CDH12: variants seen among roughly 807,000 people sequenced by gnomAD.
CDH12 encodes the protein cadherin 12, also known as cadherin-12.
A neutral mutation model predicts 74.1 loss-of-function variants in CDH12; 41 were observed. The observed-to-expected ratio is 0.55, with a 90% CI of 0.43 to 0.72. CDH12 has a LOEUF of 0.72. Ranked by LOEUF, CDH12 falls within the 30% of genes least tolerant of loss-of-function variation. The pLI is 0.00. For synonymous variants in CDH12, 399 were observed against 355.0 expected (o/e 1.12, Z -1.39); for missense variants, 945 against 977.2 (o/e 0.97, Z 0.44).
chr5:22,167,961 T>G (rs1748782952), intron 4 of CDH12, among the ~76,000 whole-genome samples: 1 of 152,142 alleles, frequency 6.6e-6, no homozygotes, highest in African/African-American at 2.4e-5. Flanking sequence ...ACATTTTCCA[T>G]TGTTTTTATA....
intron 12 of CDH12, among the ~76,000 whole-genome samples, chr5:21,762,279 G>A (rs1744768523): frequency 6.6e-6 from 1 of 152,010 alleles, no homozygotes; most frequent in African/African-American, 2.4e-5. Context: ...GTGTTGCTTG[G>A]AAGTCCCTGC....
At chr5:22,014,793 C>A (rs750887771) in intron 5 of CDH12, among the ~76,000 whole-genome samples, 1 of 152,134 alleles carries the variant, frequency 6.6e-6, no homozygotes, top group Non-Finnish European at 1.5e-5. Context: ...GTGATTATAT[C>A]ATGACTGCTT....
chr5:22,430,186 T>TG (rs1744109013), intron 2 of CDH12, among the ~76,000 whole-genome samples: 1 of 152,200 alleles, frequency 6.6e-6, no homozygotes, highest in Non-Finnish European at 1.5e-5. Context: ...ACTGACTTAG[T>TG]GTACTCTTTG....
rs139674161 is a variant in CDH12 at position 22,763,849 on chromosome 5, T to C, written c.-523+89209A>G. Among the ~76,000 whole-genome samples the C allele has an allele frequency of 2.9e-3, 438 of 151,984 alleles. 2 individuals are homozygous for C. Among genetic ancestry groups the C allele is most frequent in the African/African-American group, 9.9e-3 (411 of 41,548 alleles). ...TAAATTTTACTTATACAATCTAATA[T>C]ATAAAAAGAAAAAATGGTGTTTGTG... On this transcript the variant is annotated intron_variant, in intron 1 of 14. Coordinates refer to ENST00000382254, the MANE Select transcript of CDH12 (RefSeq NM_004061.5).
chr5:22,704,336 G>A (rs1394426625), intron 1 of CDH12, among the ~76,000 whole-genome samples: 3 of 152,110 alleles, frequency 2.0e-5, no homozygotes, highest in Admixed American at 2.0e-4. Context: ...CCTTAAAATA[G>A]TCCTGTTTTC....
intron 10 of CDH12, among the ~76,000 whole-genome samples, chr5:21,796,551 T>G (rs1162056106): frequency 6.6e-6 from 1 of 152,130 alleles, no homozygotes; most frequent in East Asian, 1.9e-4. Flanking sequence ...TGAGTTTATA[T>G]ATGCAAGTCT....
At chr5:22,675,614 G>A (rs1045540682) in intron 1 of CDH12, among the ~76,000 whole-genome samples, 1 of 151,928 alleles carries the variant, frequency 6.6e-6, no homozygotes, top group Non-Finnish European at 1.5e-5. Flanking sequence ...GTTTTTAAAT[G>A]TGAGAACATG....
intron 6 of CDH12, among the ~76,000 whole-genome samples, chr5:21,922,574 G>A (rs1754401406): frequency 6.6e-6 from 1 of 152,090 alleles, no homozygotes; most frequent in South Asian, 2.1e-4. Context: ...TCAGGTAAAG[G>A]TAGATGATAC....
intron 2 of CDH12, among the ~76,000 whole-genome samples, chr5:22,468,468 A>G (rs1003914937): frequency 6.6e-6 from 1 of 152,196 alleles, no homozygotes; most frequent in Non-Finnish European, 1.5e-5. Context: ...TCACTCCTTA[A>G]ATACAATATT....
chr5:22,212,275 C>CT (rs1751588154), intron 4 of CDH12: 1 of 152,298 alleles, frequency 6.6e-6, no homozygotes, highest in African/African-American at 2.4e-5. Flanking sequence ...TTCATGTTCC[C>CT]TTTTATTTTC....
intron 5 of CDH12, among the ~76,000 whole-genome samples, chr5:22,026,376 A>AT (rs1201326903): frequency 6.6e-6 from 1 of 152,150 alleles, no homozygotes; most frequent in African/African-American, 2.4e-5. Context: ...AACTGGTTAA[A>AT]TCCAAGACAG....
intron 1 of CDH12, among the ~76,000 whole-genome samples, chr5:22,645,459 C>T (rs559718634): frequency 9.2e-5 from 14 of 152,074 alleles, no homozygotes; most frequent in African/African-American, 3.4e-4. Context: ...TAAAGAGTTG[C>T]TTTTTATGGA....
intron 3 of CDH12, among the ~76,000 whole-genome samples, chr5:22,243,914 G>A (rs1752829821): frequency 6.6e-6 from 1 of 152,130 alleles, no homozygotes; most frequent in East Asian, 1.9e-4. Flanking sequence ...CATGTGAGCA[G>A]CAAAACCTAT....
chr5:22,632,409 T>A (rs1362150466), intron 1 of CDH12, among the ~76,000 whole-genome samples: 1 of 152,094 alleles, frequency 6.6e-6, no homozygotes, highest in East Asian at 1.9e-4. Context: ...TGTTTAAACT[T>A]TTTAAAAAAT....
At chr5:22,198,572 T>C (rs955127765) in intron 4 of CDH12, among the ~76,000 whole-genome samples, 1 of 152,104 alleles carries the variant, frequency 6.6e-6, no homozygotes, top group African/African-American at 2.4e-5. Flanking sequence ...TAAGTAGTTA[T>C]GCTGTTGTCA....
At chr5:22,580,498 A>G (rs1364970731) in intron 1 of CDH12, 7 of 483,242 alleles carry the variant, frequency 1.4e-5, no homozygotes, top group Non-Finnish European at 3.0e-5. Context: ...TGGCTTGTAG[A>G]GAGTGAGCCG....
chr5:21,942,400 G>A (rs1304485651), intron 6 of CDH12, among the ~76,000 whole-genome samples: 9 of 148,042 alleles, frequency 6.1e-5, no homozygotes, highest in African/African-American at 2.1e-4. Context: ...ATATATATGT[G>A]TGGGTGTGTA....
At chr5:21,854,819 A>G in intron 6 of CDH12, 29 bp from the exon 7 acceptor site, 1 of 1,593,874 alleles carries the variant, frequency 6.3e-7, no homozygotes, top group Non-Finnish European at 8.5e-7. Flanking sequence ...TCACTCTAGC[A>G]TTTTTGTTTT....
rs377064521 is a variant in CDH12 at position 21,874,378 on chromosome 5, C to A, written c.527-19588G>T. On this transcript the variant is annotated intron_variant, in intron 6 of 14. Coordinates refer to ENST00000382254, the MANE Select transcript of CDH12 (RefSeq NM_004061.5). ...TTACTAAGCCTAGCTGGGAAGGTGA[C>A]CGCATCCACCTTTAAACACGGGGCT... Among the ~76,000 whole-genome samples the A allele has an allele frequency of 5.9e-5, 9 of 152,184 alleles. No individual in the cohort carries two copies. The East Asian group carries it at 1.5e-3, about 26-fold the overall frequency.
Sources: gnomAD v4.1 joint callset for allele counts (sites outside exome capture counted in the v4.1 genomes callset) on GRCh38, gnomAD v4.1.1 for gene constraint, MANE v1.5 for transcripts, NCBI Gene and HGNC (gene_info 2026-07-23, HGNC 2026-07-21) for gene names.